Variants in PPM1E observed in about 807,000 individuals in gnomAD.
PPM1E encodes the protein protein phosphatase, Mg2+/Mn2+ dependent 1E, also known as protein phosphatase 1E.
In PPM1E, 20 loss-of-function variants were observed where a neutral mutation model predicts 65.9. That is an observed-to-expected ratio of 0.30 (90% confidence interval 0.21 to 0.44). The LOEUF is 0.44. Among genes scored for constraint, PPM1E ranks in the 20% least tolerant of loss-of-function variants. The pLI is 1.00. For missense variants in PPM1E, 713 were observed against 953.1 expected (o/e 0.75, Z 3.32); for synonymous variants, 352 against 374.9 (o/e 0.94, Z 0.70).
intron 1 of PPM1E, among the ~76,000 whole-genome samples, chr17:58,901,029 A>G (rs1018463396): frequency 5.3e-5 from 8 of 152,200 alleles, no homozygotes; most frequent in African/African-American, 1.9e-4. Flanking sequence ...CCCAAATCAC[A>G]TAGCTAGTAA....
chr17:58,815,987 A>G (rs995911392), intron 1 of PPM1E, among the ~76,000 whole-genome samples: 8 of 152,188 alleles, frequency 5.3e-5, no homozygotes, highest in Admixed American at 3.9e-4. Context: ...ACAATAAAAA[A>G]TTTTAATCAT....
intron 1 of PPM1E, among the ~76,000 whole-genome samples, chr17:58,922,257 GT>G (rs2051762739): frequency 6.6e-6 from 1 of 151,500 alleles, no homozygotes; most frequent in Non-Finnish European, 1.5e-5. Flanking sequence ...AGGAAGCCAA[GT>G]CATTATGTTT....
intron 1 of PPM1E, among the ~76,000 whole-genome samples, chr17:58,776,133 T>C (rs920236647): frequency 1.3e-5 from 2 of 152,124 alleles, no homozygotes; most frequent in Admixed American, 1.3e-4. Flanking sequence ...GAGACCAGCC[T>C]GGGCAACATA....
chr17:58,869,570 G>A (rs2051046479), intron 1 of PPM1E, among the ~76,000 whole-genome samples: 1 of 152,158 alleles, frequency 6.6e-6, no homozygotes, highest in African/African-American at 2.4e-5. Flanking sequence ...GGAAGCAGCT[G>A]GAGGCCTTCA....
chr17:58,970,249 G>C (rs527951180), intron 4 of PPM1E, among the ~76,000 whole-genome samples: 2 of 152,162 alleles, frequency 1.3e-5, no homozygotes, highest in Non-Finnish European at 2.9e-5. Context: ...TTAATAGGGA[G>C]AAAAGAAGAG....
At chr17:58,767,411 T>C (rs1301715879) in intron 1 of PPM1E, among the ~76,000 whole-genome samples, 1 of 152,180 alleles carries the variant, frequency 6.6e-6, no homozygotes, top group Non-Finnish European at 1.5e-5. Flanking sequence ...ATTTTATGAT[T>C]CTCATGCTAC....
In PPM1E at chr17:58,825,848, G is replaced by A. The variant is rs563468974; in HGVS notation, c.464+69387G>A. On this transcript the variant is annotated intron_variant, in intron 1 of 6. Coordinates refer to ENST00000308249, the MANE Select transcript of PPM1E (RefSeq NM_014906.5). ...GCCTCCCAAATTGATGGGATTACAGGCATGAGCCACCGCACGCAGCCCCAT... is the reference window on the plus strand; with the variant it reads ...GCCTCCCAAATTGATGGGATTACAGACATGAGCCACCGCACGCAGCCCCAT... Among the ~76,000 whole-genome samples, 8 of 152,068 alleles carry A rather than the reference G, an allele frequency of 5.3e-5. No individual in the cohort carries two copies. In the South Asian group the frequency reaches 1.5e-3, roughly 28 times the overall value.
intron 1 of PPM1E, among the ~76,000 whole-genome samples, chr17:58,876,932 C>T (rs1054492221): frequency 4.0e-5 from 6 of 149,286 alleles, no homozygotes; most frequent in Non-Finnish European, 8.8e-5. Flanking sequence ...TACAGGCACC[C>T]GCCACCACGC....
At chr17:58,816,748 ATAT>A (rs2050419665) in intron 1 of PPM1E, among the ~76,000 whole-genome samples, 1 of 8,708 alleles carries the variant, frequency 1.1e-4, no homozygotes, top group Non-Finnish European at 2.0e-4. Flanking sequence ...ATAAATATAT[ATAT>A]ATATATATAT....
In PPM1E at chr17:58,837,015, G is replaced by A. The variant is rs190693302; in HGVS notation, c.464+80554G>A. 8.9e-3 allele frequency among the ~76,000 whole-genome samples: 1,119 copies of A among 125,170 alleles called. 52 individuals are homozygous for A. The East Asian group carries it at 0.12, about 14-fold the overall frequency. 82.1% of individuals were successfully genotyped at this position (125,170 alleles called of 152,430 possible). ...AGCCTGGGCGACAGAGCGAAACTCCGTCTCAAAAAAAAAAAAAAAAAAAAG... is the reference window on the plus strand; with the variant it reads ...AGCCTGGGCGACAGAGCGAAACTCCATCTCAAAAAAAAAAAAAAAAAAAAG... On this transcript the variant is annotated intron_variant, in intron 1 of 6. Transcript: ENST00000308249.
chr17:58,900,163 A>G (rs973018683), intron 1 of PPM1E, among the ~76,000 whole-genome samples: 2 of 152,214 alleles, frequency 1.3e-5, no homozygotes, highest in African/African-American at 4.8e-5. Flanking sequence ...AGAATATCAC[A>G]TAAAGTTAGT....
At position 58,816,794 on chromosome 17, in the gene PPM1E, ATTTTTTT is replaced by A. The variant is rs71367634; in HGVS notation, c.464+60346_464+60352del. ...TATATATATATATATATATATATAT[ATTTTTTT>A]TTTTTTTTTTTTGAGACAGGGTCTT... On this transcript the variant is annotated intron_variant, in intron 1 of 6. Transcript: ENST00000308249. Among the ~76,000 whole-genome samples, 29 of 16,620 alleles carry A rather than the reference ATTTTTTT, an allele frequency of 1.7e-3. 1 individual carries two copies. Among genetic ancestry groups the A allele is most frequent in the Non-Finnish European group, 2.9e-3 (25 of 8,750 alleles). The allele number at this position is 16,620 out of a possible 152,430, so 10.9% of individuals were successfully genotyped here. A position where few individuals can be genotyped will look rare whatever the true frequency, so the allele number is the denominator to read the frequency against.
At chr17:58,768,693 G>A (rs1655833540) in intron 1 of PPM1E, among the ~76,000 whole-genome samples, 1 of 152,120 alleles carries the variant, frequency 6.6e-6, no homozygotes, top group Admixed American at 6.6e-5. Context: ...TTTTGAGACA[G>A]AGTTTCACTC....
intron 1 of PPM1E, among the ~76,000 whole-genome samples, chr17:58,777,455 T>A (rs528088486): frequency 6.6e-6 from 1 of 152,258 alleles, no homozygotes; most frequent in South Asian, 2.1e-4. Context: ...TCATTGAGAG[T>A]AGAAAAAGAA....
chr17:58,960,131 A>G (rs1203059163), intron 2 of PPM1E, among the ~76,000 whole-genome samples: 2 of 152,188 alleles, frequency 1.3e-5, no homozygotes, highest in African/African-American at 2.4e-5. Flanking sequence ...AGTGATCTCA[A>G]CAGAACCTGG....
At chr17:58,865,834 A>G (rs1202548826) in intron 1 of PPM1E, among the ~76,000 whole-genome samples, 1 of 152,238 alleles carries the variant, frequency 6.6e-6, no homozygotes, top group African/African-American at 2.4e-5. Flanking sequence ...GCAAATCTGC[A>G]CTTTCAAAGG....
chr17:58,969,719 G>T lies in PPM1E; in HGVS notation c.964G>T (p.Ala322Ser), dbSNP rs962237938. Reference protein sequence around the residue: ...VTDERFVQKAARESLRCGTTG... With the variant: ...VTDERFVQKASRESLRCGTTG... ...TGATGAGCGGTTTGTGCAGAAAGCA[G>T]CCAGGGAGGTATGCCCCTTTCTCAT... Residue 322 changes from alanine (A) to serine (S), a missense_variant, in exon 4 of 7, where the codon GCC becomes TCC. Coordinates refer to ENST00000308249, the MANE Select transcript of PPM1E (RefSeq NM_014906.5). 1 of 1,614,130 alleles carries T rather than the reference G, an allele frequency of 6.2e-7. No individual in the cohort carries two copies. The highest frequency in any genetic ancestry group is 8.5e-7 in the Non-Finnish European group (1 of 1,179,996).
At chr17:58,949,809 C>T (rs952479566) in intron 1 of PPM1E, among the ~76,000 whole-genome samples, 1 of 152,106 alleles carries the variant, frequency 6.6e-6, no homozygotes, top group African/African-American at 2.4e-5. Context: ...GTGATGAATT[C>T]TCTTATTTTT....
chr17:58,876,405 T>A (rs1463145708), intron 1 of PPM1E, among the ~76,000 whole-genome samples: 1 of 152,164 alleles, frequency 6.6e-6, no homozygotes, highest in African/African-American at 2.4e-5. Flanking sequence ...GCTTTCAGTT[T>A]TTGGCTTTCT....
Sources: allele counts gnomAD v4.1 joint callset (sites outside exome capture counted in the v4.1 genomes callset), GRCh38; gene constraint gnomAD v4.1.1; transcripts MANE v1.5; gene names NCBI Gene and HGNC (gene_info 2026-07-23, HGNC 2026-07-21).